The following REL variants were observed in gnomAD, a reference collection of about 807,000 sequenced individuals.
REL encodes REL proto-oncogene, NF-kB subunit.
REL carries 15 observed loss-of-function variants against 45.9 expected under a neutral mutation model. The ratio of observed to expected loss-of-function variants is 0.33; its 90% CI spans 0.22 to 0.50. The LOEUF is 0.50. Ranked by LOEUF, REL falls within the 20% of genes least tolerant of loss-of-function variation. REL has a pLI of 0.98. For synonymous variants in REL, 239 were observed against 242.1 expected, an observed-to-expected ratio of 0.99 and a Z score of 0.12; for missense variants, 601 against 715.2, an observed-to-expected ratio of 0.84 and a Z score of 1.82.
rs532130386 is a variant in REL at position 60,896,785 on chromosome 2, T to C, written c.302+2240T>C. Among the ~76,000 whole-genome samples, 9 of 152,334 alleles carry C rather than the reference T, an allele frequency of 5.9e-5. 1 individual carries two copies. In the East Asian group the frequency reaches 1.5e-3, roughly 26 times the overall value. ...ACTTCCTGCTTTTCTGGCTGTTCTT[T>C]CTTAGTTACAGGCAGTTAAATTTTT... On this transcript the variant is annotated intron_variant, in intron 3 of 9. Transcript: ENST00000394479.
chr2:60,883,540 T>G (rs1015029185), intron 1 of REL, among the ~76,000 whole-genome samples: 34 of 152,336 alleles, frequency 2.2e-4, no homozygotes, highest in African/African-American at 8.2e-4. Context: ...AGAAAGATTT[T>G]GTTTGGAAGT....
At chr2:60,890,157 G>C (rs1480682232) in intron 1 of REL, among the ~76,000 whole-genome samples, 1 of 152,108 alleles carries the variant, frequency 6.6e-6, no homozygotes, top group Non-Finnish European at 1.5e-5. Context: ...GGTGTAAGAT[G>C]GTATCTCATT....
chr2:60,906,950 G>A (rs1260613079), intron 4 of REL, among the ~76,000 whole-genome samples: 1 of 127,766 alleles, frequency 7.8e-6, no homozygotes, highest in Non-Finnish European at 1.6e-5. Context: ...ACAGAGTTTC[G>A]CTCTTGTTGC....
At chr2:60,888,972 T>C (rs1673137990) in intron 1 of REL, among the ~76,000 whole-genome samples, 1 of 152,232 alleles carries the variant, frequency 6.6e-6, no homozygotes. Context: ...CTTTTTTCTA[T>C]CTGTTCACTG....
Position 60,922,569 on chromosome 2 carries a change from C to T in REL, c.*34C>T. The T allele has an allele frequency of 6.5e-7, 1 of 1,538,392 alleles. No homozygotes were observed. Among genetic ancestry groups the T allele is most frequent in the East Asian group, 2.3e-5 (1 of 44,428 alleles). Reference sequence around the variant, plus strand: ...ATTTAAATCCTTTTAAATCTTGATACCACCTATATAGATGCAGCATTTTGT... The same window carrying T: ...ATTTAAATCCTTTTAAATCTTGATATCACCTATATAGATGCAGCATTTTGT... On this transcript the variant is annotated 3_prime_UTR_variant, in exon 10 of 10. Coordinates refer to ENST00000394479, the MANE Select transcript of REL (RefSeq NM_001291746.2).
At chr2:60,909,410 A>G (rs936074033) in intron 4 of REL, among the ~76,000 whole-genome samples, 76 of 152,252 alleles carry the variant, frequency 5.0e-4, no homozygotes, top group African/African-American at 1.7e-3. Flanking sequence ...TAAATTAATT[A>G]TAACTAAATT....
chr2:60,900,256 A>G (rs543463238), intron 3 of REL: 2 of 152,368 alleles, frequency 1.3e-5, no homozygotes, highest in East Asian at 3.8e-4. Flanking sequence ...AATATAGGCA[A>G]CACTTTTGTG....
intron 6 of REL, 29 bp from the exon 7 acceptor site, chr2:60,918,363 ATT>A (rs149570046): frequency 1.0e-3 from 1,297 of 1,287,700 alleles, no homozygotes; most frequent in Admixed American, 1.2e-3. Flanking sequence ...TTGTTTTCCC[ATT>A]TTTTTTTTTT....
At chr2:60,906,913 A>ATATATATATT (rs1311506982) in intron 4 of REL, among the ~76,000 whole-genome samples, 7 of 104,308 alleles carry the variant, frequency 6.7e-5, no homozygotes, top group African/African-American at 2.0e-4. Context: ...ATATATATAT[A>ATATATATATT]TTTTTTTTTT....
chr2:60,907,313 C>T (rs2103960102), intron 4 of REL, among the ~76,000 whole-genome samples: 1 of 152,256 alleles, frequency 6.6e-6, no homozygotes. Flanking sequence ...TGAGGACTGT[C>T]TTCCTTGTAT....
intron 9 of REL, 109 bp from the exon 10 acceptor site, chr2:60,921,654 T>C (rs918696264): frequency 1.2e-5 from 11 of 949,174 alleles, no homozygotes; most frequent in African/African-American, 1.7e-5. Flanking sequence ...ATTGGTTTCC[T>C]TGACATTTTT....
rs1430589071 is a variant in REL, at chr2:60,931,475, TGTTAA to T, written c.*8944_*8948del. 1.3e-5 allele frequency: 2 copies of T among 152,340 alleles called. No individual in the cohort carries two copies. The highest frequency in any genetic ancestry group is 2.4e-5 in the African/African-American group (1 of 41,456). The allele number at this position is 152,340 out of a possible 1,614,324, so 9.4% of individuals were successfully genotyped here. A position where few individuals can be genotyped will look rare whatever the true frequency, so the allele number is the denominator to read the frequency against. ...TCTCAGGTACTGTTCAATTATTTAATGTTAAGTTTAGTATCAAGATACAGTTGTTT... is the reference window on the plus strand; with the variant it reads ...TCTCAGGTACTGTTCAATTATTTAATGTTTAGTATCAAGATACAGTTGTTT... On this transcript the variant is annotated 3_prime_UTR_variant, in exon 10 of 10. Transcript: ENST00000394479.
rs1402111594 is a variant in REL, at chr2:60,924,218, A to G, written c.*1683A>G. The G allele has an allele frequency of 1.3e-5, 3 of 228,892 alleles. No individual in the cohort carries two copies. The highest frequency in any genetic ancestry group is 1.1e-4 in the Admixed American group (2 of 17,620). The allele number at this position is 228,892 out of a possible 1,614,324, so 14.2% of individuals were successfully genotyped here. ...TTTCCCCCCTGCTTTATGTATGTCCATAGCACTCACCACGATCTGACTTTA... is the reference window on the plus strand; with the variant it reads ...TTTCCCCCCTGCTTTATGTATGTCCGTAGCACTCACCACGATCTGACTTTA... On this transcript the variant is annotated 3_prime_UTR_variant, in exon 10 of 10. Transcript: ENST00000394479.
rs1018615966 is a variant in REL, at chr2:60,908,928, G to C, written c.394+7845G>C. On this transcript the variant is annotated intron_variant, in intron 4 of 9. Transcript: ENST00000394479. Reference sequence around the variant, plus strand: ...ACATAGATTCTTATCTCTAAAGTCTGGTCTAATACAAGAAAAAGCCTTTCC... The same window carrying C: ...ACATAGATTCTTATCTCTAAAGTCTCGTCTAATACAAGAAAAAGCCTTTCC... 2.6e-5 allele frequency among the ~76,000 whole-genome samples: 4 copies of C among 152,062 alleles called. No individual in the cohort carries two copies. The South Asian group carries it at 8.3e-4, about 31-fold the overall frequency.
In REL at chr2:60,922,227, A is replaced by T; in HGVS notation, c.1456A>T (p.Asn486Tyr). Residue 486 changes from asparagine (N) to tyrosine (Y), a missense_variant, in exon 10 of 10, where the codon AAT (asparagine) becomes TAT (tyrosine). This residue lies in a region of REL where 334 missense variants were observed against 333.1 expected (regional missense o/e 1.00). Coordinates refer to ENST00000394479, the MANE Select transcript of REL (RefSeq NM_001291746.2). ...TGATAATCCAAGACTTCTGAGCATGAATCTTGAAAACCCCTCATGTAATTC... is the reference window on the plus strand; with the variant it reads ...TGATAATCCAAGACTTCTGAGCATGTATCTTGAAAACCCCTCATGTAATTC... ...ETDNPRLLSMNLENPSCNSVL... is the reference protein window; with the variant it reads ...ETDNPRLLSMYLENPSCNSVL... 1 of 1,614,202 alleles carries T rather than the reference A, an allele frequency of 6.2e-7. No homozygotes were observed. Among genetic ancestry groups the T allele is most frequent in the East Asian group, 2.2e-5 (1 of 44,882 alleles).
rs1459280168 is a variant in REL, at chr2:60,881,823, G to T, written c.-18G>T. 6.6e-7 allele frequency: 1 copy of T among 1,524,352 alleles called. No homozygotes were observed. Among genetic ancestry groups the T allele is most frequent in the South Asian group, 1.2e-5 (1 of 83,280 alleles). 94.4% of individuals were successfully genotyped at this position (1,524,352 alleles called of 1,614,324 possible). The stretch of plus-strand genomic sequence containing the variant: ...GGACGCTGGGAGCTGCCTGCGGGAA[G>T]GTGCGGGGAGCGGAGCCATGGCCTC... On this transcript the variant is annotated 5_prime_UTR_variant, in exon 1 of 10. In the 5' UTR this introduces an upstream ATG that the reference lacks. Transcript: ENST00000394479.
intron 4 of REL, among the ~76,000 whole-genome samples, chr2:60,902,283 GT>G (rs1673519559): frequency 6.6e-6 from 1 of 151,984 alleles, no homozygotes; most frequent in African/African-American, 2.4e-5. Flanking sequence ...ATCTCTTTAG[GT>G]TTTATTTTTC....
In REL at chr2:60,902,724, G is replaced by T. The variant is rs115390666; in HGVS notation, c.394+1641G>T. ...TCATCCCACCTCAGCCTCCCAAGTT[G>T]TTGGTGCACCACCATGCCCATGCCC... On this transcript the variant is annotated intron_variant, in intron 4 of 9. Coordinates refer to ENST00000394479, the MANE Select transcript of REL (RefSeq NM_001291746.2). Among the ~76,000 whole-genome samples the T allele has an allele frequency of 9.8e-3, 1,482 of 151,226 alleles. 20 individuals are homozygous for T. Among genetic ancestry groups the T allele is most frequent in the African/African-American group, 0.034 (1,411 of 41,162 alleles).
chr2:60,911,392 A>G (rs780298594), intron 4 of REL: 2 of 152,214 alleles, frequency 1.3e-5, no homozygotes, highest in Admixed American at 6.5e-5. Context: ...TCCTGCTGTC[A>G]TGACTTGCAG....
Sources: gnomAD v4.1 joint callset for allele counts (sites outside exome capture counted in the v4.1 genomes callset) on GRCh38, gnomAD v4.1.1 for gene constraint, gnomAD v4.1.1 regional missense constraint, MANE v1.5 for transcripts, NCBI Gene and HGNC (gene_info 2026-07-23, HGNC 2026-07-21) for gene names.